Variants in PPP3CA observed in about 807,000 individuals in gnomAD.
The protein encoded by PPP3CA is CAM-PRP catalytic subunit.
Under a neutral mutation model 66.5 loss-of-function variants are expected in PPP3CA, and 14 were observed. The ratio of observed to expected loss-of-function variants is 0.21; its 90% CI spans 0.14 to 0.33. PPP3CA has a LOEUF of 0.33. PPP3CA is among the 10% of genes least tolerant of loss of function. The probability of loss-of-function intolerance (pLI) is 1.00; values close to 1 mark genes in which losing one functional copy is unlikely to be tolerated. For missense variants in PPP3CA, 317 were observed against 639.5 expected (o/e 0.50, Z 5.44); for synonymous variants, 232 against 226.2 (o/e 1.03, Z -0.23).
At chr4:101,082,394 A>G (rs1275600810) in intron 7 of PPP3CA, among the ~76,000 whole-genome samples, 1 of 152,210 alleles carries the variant, frequency 6.6e-6, no homozygotes, top group East Asian at 1.9e-4. Flanking sequence ...ACAGGTTATA[A>G]AAAGAAGTGC....
chr4:101,219,229 C>G (rs1725548463), intron 1 of PPP3CA, among the ~76,000 whole-genome samples: 1 of 151,930 alleles, frequency 6.6e-6, no homozygotes, highest in East Asian at 1.9e-4. Context: ...ATGTATAATC[C>G]AGATTATTCT....
intron 11 of PPP3CA, among the ~76,000 whole-genome samples, chr4:101,033,659 C>T (rs1431314309): frequency 6.7e-6 from 1 of 148,698 alleles, no homozygotes; most frequent in East Asian, 2.0e-4. Flanking sequence ...CAGAATTAAC[C>T]TAAAGTGTTA....
chr4:101,191,830 C>A (rs1426070071), intron 2 of PPP3CA, among the ~76,000 whole-genome samples: 1 of 152,176 alleles, frequency 6.6e-6, no homozygotes, highest in Admixed American at 6.5e-5. Context: ...CCAGAGGGTT[C>A]TCCTGGCAAC....
intron 3 of PPP3CA, among the ~76,000 whole-genome samples, chr4:101,105,030 G>C (rs1365652318): frequency 6.6e-6 from 1 of 152,046 alleles, no homozygotes. Flanking sequence ...TCCTTTGCTT[G>C]AATTTCAAAA....
At chr4:101,129,981 G>A (rs1180284697) in intron 2 of PPP3CA, among the ~76,000 whole-genome samples, 1 of 152,024 alleles carries the variant, frequency 6.6e-6, no homozygotes, top group African/African-American at 2.4e-5. Flanking sequence ...TTAACCCAAT[G>A]TAAGGAAGCT....
At chr4:101,297,138 T>G (rs1056648424) in intron 1 of PPP3CA, among the ~76,000 whole-genome samples, 2 of 152,196 alleles carry the variant, frequency 1.3e-5, no homozygotes, top group African/African-American at 4.8e-5. Flanking sequence ...TTCTTCCTCA[T>G]TTATAATCGT....
chr4:101,032,417 G>T (rs1727012458), intron 11 of PPP3CA, 53 bp from the exon 12 acceptor site: 37 of 1,466,260 alleles, frequency 2.5e-5, no homozygotes, highest in Non-Finnish European at 3.5e-5. Context: ...TTGTGAAAAA[G>T]AAAGAAATGA....
chr4:101,315,132 G>A (rs1248561624), intron 1 of PPP3CA, among the ~76,000 whole-genome samples: 1 of 152,056 alleles, frequency 6.6e-6, no homozygotes, highest in Non-Finnish European at 1.5e-5. Flanking sequence ...TCCTACATGG[G>A]ATTCACGTCT....
At chr4:101,172,176 T>C (rs1040684537) in intron 2 of PPP3CA, among the ~76,000 whole-genome samples, 7 of 152,114 alleles carry the variant, frequency 4.6e-5, no homozygotes, top group Non-Finnish European at 8.8e-5. Context: ...TATTATCCTA[T>C]TGTAAGGGAA....
At chr4:101,324,283 G>C (rs1729144602) in intron 1 of PPP3CA, among the ~76,000 whole-genome samples, 1 of 151,964 alleles carries the variant, frequency 6.6e-6, no homozygotes, top group African/African-American at 2.4e-5. Flanking sequence ...CTTGACCATG[G>C]CAACAGGGCA....
intron 2 of PPP3CA, among the ~76,000 whole-genome samples, chr4:101,177,612 T>C (rs1578524101): frequency 6.6e-6 from 1 of 152,082 alleles, no homozygotes; most frequent in Non-Finnish European, 1.5e-5. Context: ...AAACAACTCA[T>C]ATGAGTCAAA....
intron 2 of PPP3CA, among the ~76,000 whole-genome samples, chr4:101,109,512 A>G (rs1249571154): frequency 2.0e-5 from 3 of 151,976 alleles, no homozygotes; most frequent in Non-Finnish European, 4.4e-5. Context: ...ATCTATGTAC[A>G]ACTGAGGTCT....
intron 6 of PPP3CA, among the ~76,000 whole-genome samples, chr4:101,091,875 A>G (rs1729964197): frequency 7.0e-6 from 1 of 142,294 alleles, no homozygotes; most frequent in Admixed American, 6.9e-5. Flanking sequence ...GAAGAAGAGG[A>G]GGAGGAGGAG....
chr4:101,346,064 C>T (rs1729976431), intron 1 of PPP3CA, among the ~76,000 whole-genome samples: 2 of 152,108 alleles, frequency 1.3e-5, no homozygotes, highest in East Asian at 3.9e-4. Context: ...CCCCGCCTCC[C>T]GCGCCCCCCG....
intron 1 of PPP3CA, among the ~76,000 whole-genome samples, chr4:101,257,158 G>T (rs1045884934): frequency 3.3e-5 from 5 of 151,912 alleles, no homozygotes; most frequent in Non-Finnish European, 7.4e-5. Context: ...ATACTTCCAT[G>T]TTATTGTTTA....
At chr4:101,308,243 T>C (rs927059127) in intron 1 of PPP3CA, among the ~76,000 whole-genome samples, 19 of 152,206 alleles carry the variant, frequency 1.2e-4, no homozygotes, top group Admixed American at 1.0e-3. Context: ...CTTCATGTTA[T>C]ACAATGGAAT....
chr4:101,151,286 C>T (rs1287519655), intron 2 of PPP3CA, among the ~76,000 whole-genome samples: 3 of 152,012 alleles, frequency 2.0e-5, no homozygotes, highest in South Asian at 2.1e-4. Flanking sequence ...ACTCTCAGGC[C>T]GGGCACGGTG....
chr4:101,098,415 C>A lies in PPP3CA; in HGVS notation c.594G>T (p.Val198=). ...TAATCTCTGGAGACAAACCACCATG[C>A]ACACACAGGAACTGTTGGTTCATCA... is the stretch of plus-strand genomic sequence containing the variant. ...AALMNQQFLC[V]HGGLSPEINT... The change falls in exon 5 of 14, where the codon GTG becomes GTT. Residue 198 remains valine (V), a synonymous_variant. Transcript: ENST00000394854. The A allele has an allele frequency of 1.2e-5, 19 of 1,612,276 alleles. No individual in the cohort carries two copies. Among genetic ancestry groups the A allele is most frequent in the Non-Finnish European group, 1.6e-5 (19 of 1,179,066 alleles).
chr4:101,217,164 C>T (rs561457899), intron 1 of PPP3CA, among the ~76,000 whole-genome samples: 1 of 152,098 alleles, frequency 6.6e-6, no homozygotes, highest in Non-Finnish European at 1.5e-5. Context: ...TTCATTTATC[C>T]CTGGAGCACT....
Sources: gnomAD v4.1 joint callset for allele counts (sites outside exome capture counted in the v4.1 genomes callset) on GRCh38, gnomAD v4.1.1 for gene constraint, MANE v1.5 for transcripts, NCBI Gene and HGNC (gene_info 2026-07-23, HGNC 2026-07-21) for gene names.